MAMLD1: variants seen among roughly 807,000 people sequenced by gnomAD.
The protein encoded by MAMLD1 is mastermind like domain containing 1.
MAMLD1 carries 14 observed loss-of-function variants against 45.0 expected under a neutral mutation model. That is an observed-to-expected ratio of 0.31 (90% CI 0.21 to 0.49). The LOEUF is 0.49. Among genes scored for constraint, MAMLD1 ranks in the 20% least tolerant of loss-of-function variants. The pLI is 0.99. For missense variants in MAMLD1, 543 were observed against 603.6 expected, an observed-to-expected ratio of 0.90 and a Z score of 1.05; for synonymous variants, 254 against 247.8, an observed-to-expected ratio of 1.02 and a Z score of -0.24.
chrX:150,496,255 T>G (rs1414958810), intron 5 of MAMLD1, among the ~76,000 whole-genome samples: 1 of 112,591 alleles, frequency 8.9e-6, no homozygotes, highest in Non-Finnish European at 1.9e-5. Flanking sequence ...TTTTGAATAT[T>G]GCTTCATATT....
chrX:150,456,937 C>T (rs916636504), intron 2 of MAMLD1, among the ~76,000 whole-genome samples: 2 of 112,604 alleles, frequency 1.8e-5, no homozygotes, highest in Non-Finnish European at 3.8e-5. Context: ...GCAGTCCATG[C>T]TAGATGGTAC....
chrX:150,386,200 C>T lies in MAMLD1; in HGVS notation c.-64+22670C>T, dbSNP rs188814922. Among the ~76,000 whole-genome samples the T allele has an allele frequency of 2.7e-5, 3 of 111,300 alleles. No homozygotes were observed. In the Admixed American group the frequency reaches 2.9e-4, roughly 11 times the overall value. ...CATGCACAACATCTGGACACAGTTG[C>T]TTTTTCCAGCAGTAATTTACTGTTT... is the stretch of plus-strand genomic sequence containing the variant. On this transcript the variant is annotated intron_variant, in intron 1 of 7. Transcript: ENST00000370401.
intron 1 of MAMLD1, among the ~76,000 whole-genome samples, chrX:150,375,035 T>TG (rs2032236564): frequency 9.1e-6 from 1 of 109,922 alleles, no homozygotes; most frequent in African/African-American, 3.3e-5. Flanking sequence ...TGCTGGTGTG[T>TG]GGGGGGTCTG....
At chrX:150,446,681 A>T (rs781922984) in intron 2 of MAMLD1, among the ~76,000 whole-genome samples, 1 of 112,697 alleles carries the variant, frequency 8.9e-6, no homozygotes, top group East Asian at 2.8e-4. Context: ...GATTGCAGTC[A>T]GGTGGGATGG....
chrX:150,482,118 T>C (rs1413026693), intron 5 of MAMLD1, among the ~76,000 whole-genome samples: 1 of 111,691 alleles, frequency 9.0e-6, no homozygotes, highest in Admixed American at 9.5e-5. Context: ...CAAATGTCCA[T>C]CAGCTGGTAA....
chrX:150,483,179 C>A (rs974727886), intron 5 of MAMLD1, among the ~76,000 whole-genome samples: 1 of 112,361 alleles, frequency 8.9e-6, no homozygotes, highest in South Asian at 3.7e-4. Context: ...ACACCTCTGA[C>A]CAATGCCAAA....
At chrX:150,489,462 C>T (rs1557407826) in intron 5 of MAMLD1, among the ~76,000 whole-genome samples, 1 of 109,910 alleles carries the variant, frequency 9.1e-6, no homozygotes, top group Non-Finnish European at 1.9e-5. Context: ...CTAATCACCT[C>T]CTCAAGGTCT....
chrX:150,433,890 A>G (rs1044583452), intron 1 of MAMLD1, among the ~76,000 whole-genome samples: 2 of 111,548 alleles, frequency 1.8e-5, no homozygotes, highest in South Asian at 3.8e-4. Context: ...TGTCTCTGCC[A>G]GGTTTTGGTA....
At chrX:150,477,172 C>G (rs1214489582) in intron 5 of MAMLD1, among the ~76,000 whole-genome samples, 4 of 109,346 alleles carry the variant, frequency 3.7e-5, no homozygotes, top group African/African-American at 1.3e-4. Context: ...ACCTTTTCCG[C>G]GGGGCAAGCG....
intron 2 of MAMLD1, among the ~76,000 whole-genome samples, chrX:150,454,046 C>T (rs1569564838): frequency 8.9e-6 from 1 of 112,130 alleles, no homozygotes; most frequent in Non-Finnish European, 1.9e-5. Context: ...CAGTTCTGGG[C>T]CCCCTAGGCA....
chrX:150,512,232 C>G lies in MAMLD1; in HGVS notation c.*273C>G. On this transcript the variant is annotated 3_prime_UTR_variant, in exon 8 of 8. Coordinates refer to ENST00000370401, the MANE Select transcript of MAMLD1 (RefSeq NM_005491.5). ...CCCCAGTGTCCCATCCTCTCACACT[C>G]AGGCCAGACTCCCCTGGGCAGACTT... is the stretch of plus-strand genomic sequence containing the variant. The G allele has an allele frequency of 8.9e-7, 1 of 1,121,094 alleles. No individual in the cohort carries two copies. The highest frequency in any genetic ancestry group is 1.2e-6 in the Non-Finnish European group (1 of 853,059). 92.4% of individuals were successfully genotyped at this position (1,121,094 alleles called of 1,213,427 possible). A position where few individuals can be genotyped will look rare whatever the true frequency, so the allele number is the denominator to read the frequency against.
At chrX:150,489,112 C>G (rs1397791607) in intron 5 of MAMLD1, among the ~76,000 whole-genome samples, 9 of 112,331 alleles carry the variant, frequency 8.0e-5, no homozygotes, top group African/African-American at 2.9e-4. Flanking sequence ...CAATAAAACT[C>G]AGGCAGAAAT....
chrX:150,471,107 A>T lies in MAMLD1; in HGVS notation c.1534A>T (p.Ser512Cys). The change falls in exon 4 of 8, where the codon AGC (serine) becomes TGC (cysteine). Residue 512 changes from serine (S) to cysteine (C), a missense_variant. Transcript: ENST00000370401. Reference protein sequence around the residue: ...QANVIFKPISSNSSKTLSMIM... With the variant: ...QANVIFKPISCNSSKTLSMIM... Reference sequence around the variant, plus strand: ...AAATGTGATCTTTAAGCCCATAAGCAGCAACTCATCCAAAACCCTGAGCAT... The same window carrying T: ...AAATGTGATCTTTAAGCCCATAAGCTGCAACTCATCCAAAACCCTGAGCAT... 8.3e-7 allele frequency: 1 copy of T among 1,210,917 alleles called. No individual in the cohort carries two copies. The highest frequency in any genetic ancestry group is 1.1e-6 in the Non-Finnish European group (1 of 895,329).
chrX:150,442,987 G>A (rs1319199498), intron 1 of MAMLD1, among the ~76,000 whole-genome samples: 2 of 111,168 alleles, frequency 1.8e-5, no homozygotes, highest in African/African-American at 6.5e-5. Flanking sequence ...ACTTCCTTCT[G>A]GAATCCATGG....
intron 7 of MAMLD1, 126 bp from the exon 8 acceptor site, chrX:150,511,878 C>G (rs1263028091): frequency 5.7e-6 from 3 of 524,824 alleles, no homozygotes; most frequent in African/African-American, 2.4e-5. Flanking sequence ...CAGGGGGGAG[C>G]TCAGTAGAGA....
At position 150,513,279 on chromosome X, in the gene MAMLD1, A is replaced by T; in HGVS notation, c.*1320A>T. ...GAAAATTTTGTAAATGGTTTTCCTA[A>T]ACATTAATGACAGAAGTATTTATAC... On this transcript the variant is annotated 3_prime_UTR_variant, in exon 8 of 8. Transcript: ENST00000370401. 2 of 402,054 alleles carry T rather than the reference A, an allele frequency of 5.0e-6. No homozygotes were observed. The highest frequency in any genetic ancestry group is 1.1e-4 in the South Asian group (2 of 17,917). 33.1% of individuals were successfully genotyped at this position (402,054 alleles called of 1,213,427 possible).
chrX:150,370,673 C>G (rs782393700), intron 1 of MAMLD1, among the ~76,000 whole-genome samples: 90 of 111,721 alleles, frequency 8.1e-4, no homozygotes, highest in Middle Eastern at 4.6e-3. Context: ...GTTGGGTTAC[C>G]TTATTTCCCT....
intron 2 of MAMLD1, among the ~76,000 whole-genome samples, chrX:150,454,141 G>C (rs1430201699): frequency 3.6e-5 from 4 of 112,039 alleles, no homozygotes; most frequent in Non-Finnish European, 7.5e-5. Flanking sequence ...TTCTTTCCTA[G>C]AATAAGCTTC....
chrX:150,371,849 G>A (rs1425970464), intron 1 of MAMLD1, among the ~76,000 whole-genome samples: 1 of 111,364 alleles, frequency 9.0e-6, no homozygotes, highest in Non-Finnish European at 1.9e-5. Flanking sequence ...CACCTCACCT[G>A]CAAACTCAGA....
Sources: gnomAD v4.1 joint callset for allele counts (sites outside exome capture counted in the v4.1 genomes callset) on GRCh38, gnomAD v4.1.1 for gene constraint, MANE v1.5 for transcripts, NCBI Gene and HGNC (gene_info 2026-07-23, HGNC 2026-07-21) for gene names.